The following ENOSF1 variants were observed in gnomAD, a reference collection of about 807,000 sequenced individuals.
The protein encoded by ENOSF1 is enolase superfamily member 1, also known as mitochondrial enolase superfamily member 1.
In ENOSF1, 73 loss-of-function variants were observed where a neutral mutation model predicts 68.2. The ratio of observed to expected loss-of-function variants is 1.07; its 90% confidence interval spans 0.89 to 1.30. ENOSF1 has a LOEUF of 1.30. Among genes scored for constraint, ENOSF1 ranks in the 50% most tolerant of loss-of-function variants. The pLI, the probability that ENOSF1 is intolerant of heterozygous loss-of-function variation, is 0.00. For missense variants in ENOSF1, 589 were observed against 554.5 expected, an observed-to-expected ratio of 1.06 and a Z score of -0.62; for synonymous variants, 223 against 210.4, an observed-to-expected ratio of 1.06 and a Z score of -0.52.
chr18:667,556 TGGTGATGGTGATGGA>T (rs2074879031), downstream of ENOSF1, among the ~76,000 whole-genome samples: 1 of 89,018 alleles, frequency 1.1e-5, no homozygotes, highest in Non-Finnish European at 2.1e-5. Context: ...GTGATGGAGA[TGGTGATGGTGATGGA>T]GATGGTGATG....
chr18:711,996 C>T (rs895717139), intron 1 of ENOSF1, among the ~76,000 whole-genome samples: 3 of 152,190 alleles, frequency 2.0e-5, no homozygotes. Context: ...TCCCTCAGCG[C>T]CAACCCCGTC....
intron 3 of ENOSF1, among the ~76,000 whole-genome samples, chr18:696,436 C>A (rs961068056): frequency 1.3e-5 from 2 of 151,982 alleles, no homozygotes; most frequent in African/African-American, 2.4e-5. Context: ...TGGTCTCGAC[C>A]TCCTGACCTC....
At chr18:688,388 G>A in intron 9 of ENOSF1, 186 bp downstream of exon 9, 2 of 618,016 alleles carry the variant, frequency 3.2e-6, no homozygotes, top group South Asian at 2.0e-5. Flanking sequence ...ATTCTAATGA[G>A]GACTCACATC....
rs2077136521 is a variant in ENOSF1 at position 691,282 on chromosome 18, A to G, written c.424-6T>C. 6.2e-7 allele frequency: 1 copy of G among 1,612,530 alleles called. No individual in the cohort carries two copies. Among genetic ancestry groups the G allele is most frequent in the Non-Finnish European group, 8.5e-7 (1 of 1,178,812 alleles). ...GATACCAGCATCCTGGGATCCTGGCAACGTGACAGGAGGGGAAGAGGCCTG... is the reference window on the plus strand; with the variant it reads ...GATACCAGCATCCTGGGATCCTGGCGACGTGACAGGAGGGGAAGAGGCCTG... On this transcript the variant is annotated splice_region_variant and splice_polypyrimidine_tract_variant and intron_variant, in intron 5 of 15. Transcript: ENST00000647584.
Position 693,892 on chromosome 18 carries a change from A to C in ENOSF1, c.413T>G (p.Leu138Arg). The change falls in exon 5 of 16, where the codon CTT becomes CGT. Residue 138 changes from leucine (L) to arginine (R), a missense_variant. By Grantham distance (102) the Leu-to-Arg change is moderately radical. Coordinates refer to ENST00000647584, the MANE Select transcript of ENOSF1 (RefSeq NM_017512.7). The stretch of plus-strand genomic sequence containing the variant: ...AACAATGCTACTCACCATGTCCACA[A>C]GTAACTTCCAGACAGGCTTGAAGTA... ...KQEGKPVWKL[L>R]VDMDPRMLVS... 6.2e-7 allele frequency: 1 copy of C among 1,614,168 alleles called. No individual in the cohort carries two copies. The highest frequency in any genetic ancestry group is 8.5e-7 in the Non-Finnish European group (1 of 1,180,030).
At chr18:703,876 G>C (rs1324952202) in intron 2 of ENOSF1, among the ~76,000 whole-genome samples, 2 of 152,172 alleles carry the variant, frequency 1.3e-5, no homozygotes, top group Non-Finnish European at 2.9e-5. Flanking sequence ...CATTGGTACT[G>C]TCTTTGAGAT....
At chr18:666,899 ATGGAGATGGTGATGGTGATGGAGATG>A (rs1567989281), downstream of ENOSF1, among the ~76,000 whole-genome samples, 63 of 56,416 alleles carry the variant, frequency 1.1e-3, 5 homozygotes, top group Middle Eastern at 8.5e-3. Context: ...GGAGATGGTG[ATGGAGATGGTGATGGTGATGGAGATG>A]GTGATGGTGA....
chr18:666,588 G>A (rs1249580537), downstream of ENOSF1, among the ~76,000 whole-genome samples: 3 of 152,210 alleles, frequency 2.0e-5, no homozygotes, highest in African/African-American at 4.8e-5. Flanking sequence ...GCAACCTGGA[G>A]AGCAGGTGTC....
downstream of ENOSF1, among the ~76,000 whole-genome samples, chr18:669,652 TG>T (rs369242214): frequency 4.3e-4 from 66 of 152,250 alleles, no homozygotes; most frequent in Admixed American, 8.5e-4. Flanking sequence ...TCTTAATTTG[TG>T]TATTTATACT....
chr18:664,384 C>T, the ENOSF1 span, among the ~76,000 whole-genome samples: 3 of 147,016 alleles, frequency 2.0e-5, no homozygotes, highest in African/African-American at 7.8e-5. Context: ...TGAGACTTTG[C>T]TGAAGTTGCT....
Position 671,037 on chromosome 18 carries a change from T to C in ENOSF1, c.*3268A>G. Reference sequence around the variant, plus strand: ...TTTGAAACCTTCCTCTTCTGGAAGGTTTTCTGGCCCTGTGGTATACGCACT... The same window carrying C: ...TTTGAAACCTTCCTCTTCTGGAAGGCTTTCTGGCCCTGTGGTATACGCACT... On this transcript the variant is annotated 3_prime_UTR_variant, in exon 16 of 16. Coordinates refer to ENST00000647584, the MANE Select transcript of ENOSF1 (RefSeq NM_017512.7). 1 of 785,586 alleles carries C rather than the reference T, an allele frequency of 1.3e-6. No homozygotes were observed. The highest frequency in any genetic ancestry group is 2.0e-6 in the Non-Finnish European group (1 of 505,334). 48.7% of individuals were successfully genotyped at this position (785,586 alleles called of 1,614,324 possible). A position where few individuals can be genotyped will look rare whatever the true frequency, so the allele number is the denominator to read the frequency against.
rs749481062 is a variant in ENOSF1, at chr18:690,420, G to A, written c.618+129C>T. On this transcript the variant is annotated intron_variant, in intron 8 of 15. Coordinates refer to ENST00000647584, the MANE Select transcript of ENOSF1 (RefSeq NM_017512.7). ...ACAGAGAAGTGGAGAACTGGTTGGC[G>A]TGAGAAGGAAAACCACACACATCTG... The A allele has an allele frequency of 5.0e-5, 50 of 1,005,860 alleles. No homozygotes were observed. In the South Asian group the frequency reaches 5.8e-4, roughly 12 times the overall value. The allele number at this position is 1,005,860 out of a possible 1,614,324, so 62.3% of individuals were successfully genotyped here. A position where few individuals can be genotyped will look rare whatever the true frequency, so the allele number is the denominator to read the frequency against.
chr18:684,118 C>T (rs1271288130), intron 10 of ENOSF1, among the ~76,000 whole-genome samples: 9 of 151,884 alleles, frequency 5.9e-5, no homozygotes, highest in African/African-American at 1.5e-4. Context: ...CTCAGCCTCC[C>T]GAGTAGCTGG....
chr18:681,946 T>G (rs2144713869), intron 11 of ENOSF1, among the ~76,000 whole-genome samples: 1 of 152,294 alleles, frequency 6.6e-6, no homozygotes, highest in Non-Finnish European at 1.5e-5. Context: ...AGTCCCCGAC[T>G]CCACACCTCC....
In ENOSF1 at chr18:712,452, T is replaced by C. The variant is rs1166232118; in HGVS notation, c.84+52A>G. On this transcript the variant is annotated intron_variant, in intron 1 of 15. Coordinates refer to ENST00000647584, the MANE Select transcript of ENOSF1 (RefSeq NM_017512.7). ...CTTACCATGGCGTCCGCGCTTACCA[T>C]GGCGTCCGCGCTTACCATGGCGTCC... 9.1e-6 allele frequency: 10 copies of C among 1,100,512 alleles called. 1 individual carries two copies. In the East Asian group the frequency reaches 1.3e-4, roughly 14 times the overall value. The allele number at this position is 1,100,512 out of a possible 1,614,324, so 68.2% of individuals were successfully genotyped here.
In ENOSF1 at chr18:681,194, T is replaced by C. The variant is rs537092379; in HGVS notation, c.876+2052A>G. Among the ~76,000 whole-genome samples, 16 of 152,286 alleles carry C rather than the reference T, an allele frequency of 1.1e-4. No homozygotes were observed. The South Asian group carries it at 3.3e-3, about 32-fold the overall frequency. ...CGTTCTTTCATCGGAGAAGCTGCGGTGGCTCACTCTGACTGGCTGCATCCT... is the reference window on the plus strand; with the variant it reads ...CGTTCTTTCATCGGAGAAGCTGCGGCGGCTCACTCTGACTGGCTGCATCCT... On this transcript the variant is annotated intron_variant, in intron 11 of 15. Transcript: ENST00000647584.
At chr18:669,366 ATTTT>A (rs68090938), downstream of ENOSF1, 2,199 of 191,234 alleles carry the variant, frequency 0.011, no homozygotes, top group Middle Eastern at 0.035. Flanking sequence ...GGCCCAGAGG[ATTTT>A]TTTTTTTTTT....
At chr18:690,399 A>G in intron 8 of ENOSF1, 150 bp downstream of exon 8, 1 of 803,622 alleles carries the variant, frequency 1.2e-6, no homozygotes, top group South Asian at 1.6e-5. Flanking sequence ...GTGTCCACAG[A>G]GAAGTGGAGA....
intron 8 of ENOSF1, 115 bp from the exon 9 acceptor site, chr18:688,723 A>G: frequency 1.1e-6 from 1 of 893,830 alleles, no homozygotes; most frequent in South Asian, 1.4e-5. Context: ...GACCAGAGTA[A>G]CACCCATGTG....
Sources: allele counts gnomAD v4.1 joint callset (sites outside exome capture counted in the v4.1 genomes callset), GRCh38; gene constraint gnomAD v4.1.1; transcripts MANE v1.5; gene names NCBI Gene and HGNC (gene_info 2026-07-23, HGNC 2026-07-21).